Variants in RSPO2 observed in about 807,000 individuals in gnomAD.
RSPO2 encodes R-spondin 2.
RSPO2 carries 14 observed loss-of-function variants against 30.9 expected under a neutral mutation model. The observed-to-expected ratio is 0.45, with a 90% CI of 0.30 to 0.71. RSPO2 has a LOEUF of 0.71. RSPO2 is among the 30% of genes least tolerant of loss of function. The probability of loss-of-function intolerance (pLI) is 0.08; values close to 1 mark genes in which losing one functional copy is unlikely to be tolerated. For missense variants in RSPO2, 264 were observed against 301.9 expected (o/e 0.87, Z 0.93); for synonymous variants, 107 against 96.4 (o/e 1.11, Z -0.64).
chr8:107,900,958 G>T lies in RSPO2; in HGVS notation c.*117C>A. 1 of 1,061,698 alleles carries T rather than the reference G, an allele frequency of 9.4e-7. No homozygotes were observed. The allele number at this position is 1,061,698 out of a possible 1,614,324, so 65.8% of individuals were successfully genotyped here. A position where few individuals can be genotyped will look rare whatever the true frequency, so the allele number is the denominator to read the frequency against. The stretch of plus-strand genomic sequence containing the variant: ...GGTGCTTCCTTTCACCATGTTACTG[G>T]GAACAGATACTGGGCAGAGCAGCAC... On this transcript the variant is annotated 3_prime_UTR_variant, in exon 6 of 6. Coordinates refer to ENST00000276659, the MANE Select transcript of RSPO2 (RefSeq NM_178565.5).
rs568970505 is a variant in RSPO2, at chr8:107,924,783, G to A, written c.617-23593C>T. Among the ~76,000 whole-genome samples the A allele has an allele frequency of 4.6e-5, 7 of 150,684 alleles. No individual in the cohort carries two copies. In the East Asian group the frequency reaches 1.4e-3, roughly 30 times the overall value. On this transcript the variant is annotated intron_variant, in intron 5 of 5. Transcript: ENST00000276659. ...CTAGGATGTCTGGTTTTCCAAAAAGGAAAGCAAATAAATTGTATTCCCAGC... is the reference window on the plus strand; with the variant it reads ...CTAGGATGTCTGGTTTTCCAAAAAGAAAAGCAAATAAATTGTATTCCCAGC...
At chr8:108,049,853 G>A (rs147760160) in intron 2 of RSPO2, among the ~76,000 whole-genome samples, 2 of 152,122 alleles carry the variant, frequency 1.3e-5, no homozygotes, top group Admixed American at 1.3e-4. Context: ...AAACAGTGCT[G>A]CAATAAACAT....
At chr8:108,033,650 A>AG (rs1811501428) in intron 2 of RSPO2, among the ~76,000 whole-genome samples, 1 of 152,240 alleles carries the variant, frequency 6.6e-6, no homozygotes, top group Non-Finnish European at 1.5e-5. Context: ...TAGCCTTACA[A>AG]GTCTTTGTGA....
chr8:108,056,545 C>A (rs1812249837), intron 2 of RSPO2, among the ~76,000 whole-genome samples: 1 of 149,056 alleles, frequency 6.7e-6, no homozygotes, highest in Non-Finnish European at 1.5e-5. Context: ...ATCACTTGAG[C>A]CCAAGAGGTC....
rs571036910 is a variant in RSPO2, at chr8:108,060,579, G to C, written c.94+21966C>G. Among the ~76,000 whole-genome samples, 416 of 151,894 alleles carry C rather than the reference G, an allele frequency of 2.7e-3. 9 individuals carry two copies. Among genetic ancestry groups the C allele is most frequent in the African/African-American group, 9.7e-3 (401 of 41,222 alleles). On this transcript the variant is annotated intron_variant, in intron 2 of 5. Transcript: ENST00000276659. ...CCGATTGGTGTACCTGAAAGTGATG[G>C]GGAGAATGGAACCAAGTTGGAAAAC... is the stretch of plus-strand genomic sequence containing the variant.
chr8:107,909,166 G>C (rs780464536), intron 5 of RSPO2, among the ~76,000 whole-genome samples: 3 of 152,030 alleles, frequency 2.0e-5, no homozygotes, highest in Non-Finnish European at 4.4e-5. Flanking sequence ...AGAAGATCTA[G>C]AGTGACCCCT....
At chr8:108,068,054 G>A (rs1439003473) in intron 2 of RSPO2, among the ~76,000 whole-genome samples, 1 of 152,064 alleles carries the variant, frequency 6.6e-6, no homozygotes, top group Non-Finnish European at 1.5e-5. Context: ...GGGTGACAGA[G>A]TGAGACTCCG....
intron 5 of RSPO2, among the ~76,000 whole-genome samples, chr8:107,912,396 T>C (rs1348248103): frequency 6.6e-6 from 1 of 152,132 alleles, no homozygotes; most frequent in East Asian, 1.9e-4. Flanking sequence ...GGGATCTATT[T>C]GTAGGCAATC....
At chr8:107,975,616 T>C (rs933811169) in intron 3 of RSPO2, among the ~76,000 whole-genome samples, 3 of 152,238 alleles carry the variant, frequency 2.0e-5, no homozygotes, top group African/African-American at 7.2e-5. Context: ...GCTCCTACTC[T>C]TAGGGACCCC....
intron 2 of RSPO2, among the ~76,000 whole-genome samples, chr8:108,038,666 A>G (rs1440054068): frequency 6.6e-6 from 1 of 151,982 alleles, no homozygotes; most frequent in Admixed American, 6.6e-5. Flanking sequence ...CAACCACCAC[A>G]CTGATCAGTC....
intron 2 of RSPO2, among the ~76,000 whole-genome samples, chr8:108,038,389 A>G (rs1811658454): frequency 6.6e-6 from 1 of 152,204 alleles, no homozygotes; most frequent in African/African-American, 2.4e-5. Flanking sequence ...TTGAGATGGA[A>G]TCTACTCCTG....
At chr8:107,953,882 C>CA in intron 5 of RSPO2, among the ~76,000 whole-genome samples, 1 of 152,316 alleles carries the variant, frequency 6.6e-6, no homozygotes, top group Admixed American at 6.5e-5. Context: ...GATCACTCTA[C>CA]ATAACATAGT....
At chr8:107,935,994 C>T (rs974539341) in intron 5 of RSPO2, among the ~76,000 whole-genome samples, 9 of 152,214 alleles carry the variant, frequency 5.9e-5, no homozygotes, top group Middle Eastern at 6.8e-3. Context: ...TTGAAATATA[C>T]ACGTTGTTAA....
Position 107,901,227 on chromosome 8 carries a change from T to A in RSPO2, c.617-37A>T, listed in dbSNP as rs952077905. On this transcript the variant is annotated intron_variant, in intron 5 of 5. Coordinates refer to ENST00000276659, the MANE Select transcript of RSPO2 (RefSeq NM_178565.5). ...GAAAGAAAAGAAGAGATGTCAGAAA[T>A]GGCTCTTTCTCTAGGAAAGAAAACA... 4 of 1,575,486 alleles carry A rather than the reference T, an allele frequency of 2.5e-6. No homozygotes were observed. The African/African-American group carries it at 5.5e-5, about 22-fold the overall frequency.
intron 2 of RSPO2, among the ~76,000 whole-genome samples, chr8:108,063,952 G>GTGC (rs1812568173): frequency 6.6e-6 from 1 of 152,260 alleles, no homozygotes; most frequent in East Asian, 1.9e-4. Flanking sequence ...TTAATAAATG[G>GTGC]TGCTGGGAAA....
At chr8:108,041,476 C>A (rs1015801821) in intron 2 of RSPO2, among the ~76,000 whole-genome samples, 15 of 151,912 alleles carry the variant, frequency 9.9e-5, no homozygotes, top group Admixed American at 3.3e-4. Flanking sequence ...ACAGCAAAAG[C>A]AACAGGCCCC....
chr8:108,027,373 A>C (rs1811257407), intron 2 of RSPO2, among the ~76,000 whole-genome samples: 1 of 152,178 alleles, frequency 6.6e-6, no homozygotes, highest in African/African-American at 2.4e-5. Flanking sequence ...CAGTGCCAAT[A>C]ACAAGCCACC....
chr8:108,033,340 AC>A (rs1301689795), intron 2 of RSPO2, among the ~76,000 whole-genome samples: 11 of 152,126 alleles, frequency 7.2e-5, no homozygotes, highest in Non-Finnish European at 1.3e-4. Flanking sequence ...CAATGCCATG[AC>A]CCCAGTCCAG....
chr8:108,071,568 T>C (rs1381843145), intron 2 of RSPO2, among the ~76,000 whole-genome samples: 1 of 152,182 alleles, frequency 6.6e-6, no homozygotes, highest in Non-Finnish European at 1.5e-5. Flanking sequence ...AGGAATGCTA[T>C]GGATAGGACA....
Sources: gnomAD v4.1 joint callset for allele counts (sites outside exome capture counted in the v4.1 genomes callset) on GRCh38, gnomAD v4.1.1 for gene constraint, MANE v1.5 for transcripts, NCBI Gene and HGNC (gene_info 2026-07-23, HGNC 2026-07-21) for gene names.